DOCK1: variants seen among roughly 807,000 people sequenced by gnomAD.
DOCK1 encodes dedicator of cytokinesis protein 1.
A neutral mutation model predicts 262.7 loss-of-function variants in DOCK1; 138 were observed. The ratio of observed to expected loss-of-function variants is 0.53; its 90% CI spans 0.46 to 0.61. The LOEUF is 0.61. Among genes scored for constraint, DOCK1 ranks in the 20% least tolerant of loss-of-function variants. The pLI is 0.00. For synonymous variants in DOCK1, 866 were observed against 867.4 expected, an observed-to-expected ratio of 1.00 and a Z score of 0.03; for missense variants, 1,908 against 2,370.7, an observed-to-expected ratio of 0.80 and a Z score of 4.05.
Position 127,380,706 on chromosome 10 carries a change from T to TTA in DOCK1, c.3717-571_3717-570dup, listed in dbSNP as rs144093012. Among the ~76,000 whole-genome samples the TTA allele has an allele frequency of 2.0e-3, 300 of 152,278 alleles. 2 individuals are homozygous for TTA. The highest frequency in any genetic ancestry group is 7.0e-3 in the African/African-American group (292 of 41,556). ...GTCTCGTGTCAAATAATTAGCAAGA[T>TTA]TACCACTCTGGAGACTAGGAGAAGG... On this transcript the variant is annotated intron_variant, in intron 36 of 51. Coordinates refer to ENST00000623213, the MANE Select transcript of DOCK1 (RefSeq NM_001290223.2).
chr10:127,138,527 C>T (rs921375710), intron 27 of DOCK1, among the ~76,000 whole-genome samples: 1 of 152,150 alleles, frequency 6.6e-6, no homozygotes, highest in African/African-American at 2.4e-5. Context: ...CTGACATTCT[C>T]CTTGTAAAAG....
At chr10:127,338,725 A>G (rs944691721) in intron 29 of DOCK1, among the ~76,000 whole-genome samples, 1 of 151,390 alleles carries the variant, frequency 6.6e-6, no homozygotes, top group Non-Finnish European at 1.5e-5. Context: ...TCTTTTTTTT[A>G]ATTAGATTTT....
rs544216282 is a variant in DOCK1 at position 127,060,006 on chromosome 10, T to C, written c.2337-1662T>C. ...ACTGTGCTCAGTTTTGAGGCTACAC[T>C]GGACCTTTAGTATGCCTCAGTCTCC... On this transcript the variant is annotated intron_variant, in intron 22 of 51. Transcript: ENST00000623213. Among the ~76,000 whole-genome samples, 3 of 152,328 alleles carry C rather than the reference T, an allele frequency of 2.0e-5. No homozygotes were observed. In the South Asian group the frequency reaches 6.2e-4, roughly 32 times the overall value.
chr10:127,052,988 T>C (rs2044846336), intron 22 of DOCK1, among the ~76,000 whole-genome samples, 173 bp downstream of exon 22: 1 of 152,148 alleles, frequency 6.6e-6, no homozygotes. Context: ...CTGCCCACTC[T>C]TTCCTTACCC....
chr10:126,926,140 C>T (rs2033700443), intron 1 of DOCK1, among the ~76,000 whole-genome samples: 2 of 152,106 alleles, frequency 1.3e-5, no homozygotes, highest in South Asian at 2.1e-4. Flanking sequence ...TCGTGCCCGA[C>T]ACCTGGTAGC....
rs147850722 is a variant in DOCK1, at chr10:127,044,447, C to G, written c.2201+1283C>G. On this transcript the variant is annotated intron_variant, in intron 21 of 51. Coordinates refer to ENST00000623213, the MANE Select transcript of DOCK1 (RefSeq NM_001290223.2). The stretch of plus-strand genomic sequence containing the variant: ...AAACGTTTGTTTAAAACATTTTGTT[C>G]GCTGAGTGGAGATGCCCAGTGTGTG... Among the ~76,000 whole-genome samples, 423 of 152,264 alleles carry G rather than the reference C, an allele frequency of 2.8e-3. 2 individuals carry two copies. The highest frequency in any genetic ancestry group is 9.0e-3 in the African/African-American group (372 of 41,558).
At chr10:127,023,118 A>G (rs969163628) in intron 13 of DOCK1, 82 bp from the exon 14 acceptor site, 6 of 1,450,482 alleles carry the variant, frequency 4.1e-6, no homozygotes, top group South Asian at 1.3e-5. Context: ...ATCTATGAGG[A>G]TAGGTAGACA....
intron 36 of DOCK1, 68 bp from the exon 37 acceptor site, chr10:127,381,210 C>A (rs2065806438): frequency 2.2e-6 from 3 of 1,346,956 alleles, no homozygotes; most frequent in Non-Finnish European, 3.1e-6. Flanking sequence ...TAGAATTTAG[C>A]TCTTGCAATC....
intron 27 of DOCK1, among the ~76,000 whole-genome samples, chr10:127,169,656 T>C (rs1346197577): frequency 3.3e-5 from 5 of 152,194 alleles, no homozygotes; most frequent in Admixed American, 2.6e-4. Context: ...AGTTGAATCA[T>C]TGTGACAAAG....
Position 127,257,406 on chromosome 10 carries a change from G to A in DOCK1, c.3021G>A (p.Val1007=). 9 of 1,606,560 alleles carry A rather than the reference G, an allele frequency of 5.6e-6. No homozygotes were observed. The highest frequency in any genetic ancestry group is 7.7e-6 in the Non-Finnish European group (9 of 1,176,086). ...IGKNVYPFDW[V]IMNMVQNKVF... ...AGAACGTTTACCCCTTCGACTGGGT[G>A]ATCATGAACATGGTGCAAAATAAGT... Residue 1007 remains valine (V), a synonymous_variant, in exon 29 of 52, where the codon GTG becomes GTA. Transcript: ENST00000623213.
chr10:126,955,590 A>G (rs1048367201), intron 1 of DOCK1, among the ~76,000 whole-genome samples: 25 of 152,150 alleles, frequency 1.6e-4, no homozygotes, highest in African/African-American at 6.0e-4. Flanking sequence ...TGGGGAAGAC[A>G]GGCTGGCGCT....
At chr10:126,926,087 G>C (rs1320493457) in intron 1 of DOCK1, among the ~76,000 whole-genome samples, 2 of 152,012 alleles carry the variant, frequency 1.3e-5, no homozygotes, top group Admixed American at 1.3e-4. Context: ...TGCTTCCTGT[G>C]ACTGGAGAAA....
intron 23 of DOCK1, among the ~76,000 whole-genome samples, chr10:127,062,672 T>G (rs1463186712): frequency 6.6e-6 from 1 of 152,204 alleles, no homozygotes; most frequent in African/African-American, 2.4e-5. Context: ...CCTCCCTAGG[T>G]GCTCTTAAAT....
intron 32 of DOCK1, among the ~76,000 whole-genome samples, chr10:127,360,916 C>T (rs565083904): frequency 3.9e-5 from 6 of 152,182 alleles, no homozygotes; most frequent in Non-Finnish European, 4.4e-5. Flanking sequence ...GTAACCATCT[C>T]GTAAGGTTAC....
intron 23 of DOCK1, among the ~76,000 whole-genome samples, chr10:127,062,027 C>G (rs2045568962): frequency 6.6e-6 from 1 of 150,430 alleles, no homozygotes; most frequent in Admixed American, 6.6e-5. Flanking sequence ...ACCTCTGCCT[C>G]CCGGCTTGAA....
intron 1 of DOCK1, among the ~76,000 whole-genome samples, chr10:126,948,443 C>T (rs980305825): frequency 4.3e-5 from 6 of 138,216 alleles, no homozygotes; most frequent in Non-Finnish European, 8.5e-5. Context: ...GGTAATACTG[C>T]TGGTGGTGAT....
intron 49 of DOCK1, among the ~76,000 whole-genome samples, chr10:127,441,549 G>T (rs11018086): frequency 0.3 from 45,634 of 152,128 alleles, 7,395 homozygotes; most frequent in East Asian, 0.44. Context: ...TGCCGGCAAG[G>T]TCTGTGAGGA....
chr10:126,910,914 G>A (rs1440643113), intron 1 of DOCK1, among the ~76,000 whole-genome samples: 1 of 152,076 alleles, frequency 6.6e-6, no homozygotes, highest in African/African-American at 2.4e-5. Flanking sequence ...TCTTTGCTGA[G>A]TATCATTTCA....
At chr10:127,036,992 A>AAAAAG (rs1554871163) in intron 18 of DOCK1, among the ~76,000 whole-genome samples, 167 of 150,884 alleles carry the variant, frequency 1.1e-3, no homozygotes, top group African/African-American at 3.8e-3. Flanking sequence ...AAAAAAAAAA[A>AAAAAG]AAAAAGAAAA....
Sources: gnomAD v4.1 joint callset for allele counts (sites outside exome capture counted in the v4.1 genomes callset) on GRCh38, gnomAD v4.1.1 for gene constraint, MANE v1.5 for transcripts, NCBI Gene and HGNC (gene_info 2026-07-23, HGNC 2026-07-21) for gene names.